The following PCDH15 variants were observed in gnomAD, a reference collection of about 807,000 sequenced individuals.
The protein encoded by PCDH15 is protocadherin-15.
In PCDH15, 129 loss-of-function variants were observed where a neutral mutation model predicts 178.5. The observed-to-expected ratio is 0.72, with a 90% confidence interval of 0.63 to 0.84. The LOEUF (loss-of-function observed/expected upper bound fraction) is 0.84. Among genes scored for constraint, PCDH15 ranks in the 40% least tolerant of loss-of-function variants. The probability of loss-of-function intolerance (pLI) is 0.00; values close to 1 mark genes in which losing one functional copy is unlikely to be tolerated. For missense variants in PCDH15, 2,230 were observed against 2,099.9 expected, an observed-to-expected ratio of 1.06 and a Z score of -1.21; for synonymous variants, 800 against 732.0, an observed-to-expected ratio of 1.09 and a Z score of -1.50.
intron 2 of PCDH15, among the ~76,000 whole-genome samples, chr10:55,037,279 G>T (rs1354376926): frequency 2.0e-5 from 3 of 152,044 alleles, no homozygotes; most frequent in Non-Finnish European, 4.4e-5. Context: ...TGTTGCCCAG[G>T]CTGGAGTGCA....
chr10:54,261,847 G>A (rs2057338601), intron 8 of PCDH15, among the ~76,000 whole-genome samples: 1 of 152,182 alleles, frequency 6.6e-6, no homozygotes, highest in African/African-American at 2.4e-5. Flanking sequence ...CTTCCATGGA[G>A]AGGAACCCAA....
At chr10:54,250,410 G>T (rs1282879061) in intron 8 of PCDH15, among the ~76,000 whole-genome samples, 1 of 151,138 alleles carries the variant, frequency 6.6e-6, no homozygotes, top group Non-Finnish European at 1.5e-5. Flanking sequence ...AGCCTGTGGA[G>T]TAGCTGGGAC....
At chr10:55,430,865 T>C (rs997421119) in intron 2 of PCDH15, among the ~76,000 whole-genome samples, 1 of 152,142 alleles carries the variant, frequency 6.6e-6, no homozygotes, top group Non-Finnish European at 1.5e-5. Flanking sequence ...GACTACCCAG[T>C]TTATGTATAG....
chr10:53,902,955 G>A (rs1158707381), intron 26 of PCDH15, among the ~76,000 whole-genome samples: 1 of 151,890 alleles, frequency 6.6e-6, no homozygotes, highest in Non-Finnish European at 1.5e-5. Context: ...TCCTACTGGA[G>A]GAATACAAAC....
chr10:55,451,858 A>C (rs1250224486), intron 2 of PCDH15, among the ~76,000 whole-genome samples: 1 of 152,240 alleles, frequency 6.6e-6, no homozygotes, highest in Non-Finnish European at 1.5e-5. Flanking sequence ...GTTTCTAAAC[A>C]CTTGAAATTA....
chr10:54,543,119 C>T (rs1438083740), intron 2 of PCDH15, among the ~76,000 whole-genome samples: 1 of 150,404 alleles, frequency 6.6e-6, no homozygotes, highest in Admixed American at 6.7e-5. Context: ...CCCAAAACTC[C>T]GAATGGCCCA....
intron 6 of PCDH15, among the ~76,000 whole-genome samples, chr10:54,336,266 G>C (rs193034254): frequency 6.6e-6 from 1 of 152,306 alleles, no homozygotes; most frequent in East Asian, 1.9e-4. Flanking sequence ...CCCATTTTCT[G>C]AGGAGAAATT....
chr10:53,958,728 C>T (rs1255212254), intron 23 of PCDH15, among the ~76,000 whole-genome samples: 2 of 152,000 alleles, frequency 1.3e-5, no homozygotes, highest in African/African-American at 4.8e-5. Context: ...CGCCTGTAAT[C>T]CCAGCACTTT....
At chr10:55,627,268 G>A (rs142249401) in intron 2 of PCDH15, among the ~76,000 whole-genome samples, 389 of 152,216 alleles carry the variant, frequency 2.6e-3, no homozygotes, top group Non-Finnish European at 4.4e-3. Context: ...TACTGCAGTT[G>A]TATATGACAC....
At chr10:55,158,078 G>GTGTGTGTGTGTGTGTGTA in intron 2 of PCDH15, among the ~76,000 whole-genome samples, 1 of 117,176 alleles carries the variant, frequency 8.5e-6, no homozygotes, top group African/African-American at 3.5e-5. Flanking sequence ...GTATGTGTGT[G>GTGTGTGTGTGTGTGTGTA]TATATATATA....
chr10:54,067,608 C>T (rs371779724), intron 17 of PCDH15, among the ~76,000 whole-genome samples: 1 of 152,174 alleles, frequency 6.6e-6, no homozygotes, highest in Non-Finnish European at 1.5e-5. Context: ...ACTGCTCTCT[C>T]TAATCAAAGC....
At chr10:54,402,126 G>GA (rs1408882880) in intron 3 of PCDH15, among the ~76,000 whole-genome samples, 1 of 151,574 alleles carries the variant, frequency 6.6e-6, no homozygotes, top group Admixed American at 6.6e-5. Flanking sequence ...CAGAGTGAGG[G>GA]AAAAAAACAT....
At chr10:53,946,677 T>C (rs2086602028) in intron 23 of PCDH15, among the ~76,000 whole-genome samples, 1 of 152,226 alleles carries the variant, frequency 6.6e-6, no homozygotes, top group Non-Finnish European at 1.5e-5. Context: ...TTAAAGTAAA[T>C]ATTTGCAGAT....
intron 1 of PCDH15, among the ~76,000 whole-genome samples, chr10:54,754,846 T>C (rs1326148696): frequency 1.3e-5 from 2 of 152,054 alleles, no homozygotes; most frequent in African/African-American, 4.8e-5. Context: ...ATATGTGTTC[T>C]TTCCAGATTC....
At chr10:54,415,552 T>C (rs1030308498) in intron 3 of PCDH15, among the ~76,000 whole-genome samples, 1 of 151,988 alleles carries the variant, frequency 6.6e-6, no homozygotes, top group African/African-American at 2.4e-5. Context: ...ATTTAGAAAA[T>C]AGTTAAGTAT....
At chr10:54,972,229 T>A (rs1838951997) in intron 2 of PCDH15, among the ~76,000 whole-genome samples, 1 of 152,210 alleles carries the variant, frequency 6.6e-6, no homozygotes, top group Non-Finnish European at 1.5e-5. Context: ...CCTTTTAATA[T>A]GTATTTGATA....
rs760775824 is a variant in PCDH15 at position 53,938,953 on chromosome 10, T to C, written c.3235A>G (p.Thr1079Ala). Reference protein sequence around the residue: ...YSIVSGNEEDTFGINNITGVI... With the variant: ...YSIVSGNEEDAFGINNITGVI... ...CCTGTGATGTTATTAATTCCAAATG[T>C]ATCTAGAAATTAAAATACAATTACC... Residue 1079 changes from threonine (T) to alanine (A), a missense_variant and splice_region_variant, in exon 25 of 38, where the codon ACA (threonine) becomes GCA (alanine). Coordinates refer to ENST00000644397, the MANE Select transcript of PCDH15 (RefSeq NM_001384140.1). The C allele has an allele frequency of 6.2e-7, 1 of 1,612,184 alleles. No homozygotes were observed. The highest frequency in any genetic ancestry group is 1.7e-5 in the Admixed American group (1 of 59,954).
At chr10:55,529,181 T>G (rs909236686) in intron 2 of PCDH15, among the ~76,000 whole-genome samples, 3 of 152,192 alleles carry the variant, frequency 2.0e-5, no homozygotes, top group Admixed American at 6.5e-5. Flanking sequence ...GTAGGTTTCC[T>G]GCTCACTCTG....
At chr10:54,817,495 T>C (rs554057704) in intron 3 of PCDH15, among the ~76,000 whole-genome samples, 2 of 152,128 alleles carry the variant, frequency 1.3e-5, no homozygotes, top group African/African-American at 4.8e-5. Flanking sequence ...TGAATTCTTG[T>C]TCATCAAAAA....
Sources: gnomAD v4.1 joint callset for allele counts (sites outside exome capture counted in the v4.1 genomes callset) on GRCh38, gnomAD v4.1.1 for gene constraint, MANE v1.5 for transcripts, NCBI Gene and HGNC (gene_info 2026-07-23, HGNC 2026-07-21) for gene names.